OLFM2: variants seen among roughly 807,000 people sequenced by gnomAD.
OLFM2 encodes olfactomedin 2, also known as noelin-2.
OLFM2 carries 20 observed loss-of-function variants against 43.9 expected under a neutral mutation model. That is an observed-to-expected ratio of 0.46 (90% CI 0.32 to 0.66). The LOEUF (loss-of-function observed/expected upper bound fraction) is 0.66. Among genes scored for constraint, OLFM2 ranks in the 30% least tolerant of loss-of-function variants. The probability of loss-of-function intolerance (pLI) is 0.04; values close to 1 mark genes in which losing one functional copy is unlikely to be tolerated. For missense variants in OLFM2, 416 were observed against 643.6 expected (o/e 0.65, Z 3.83); for synonymous variants, 268 against 278.6 (o/e 0.96, Z 0.38).
intron 1 of OLFM2, among the ~76,000 whole-genome samples, chr19:9,910,149 C>T (rs2112819): frequency 6.6e-6 from 1 of 152,098 alleles, no homozygotes; most frequent in Admixed American, 6.6e-5. Flanking sequence ...TGTTAGTGAG[C>T]TATGATGGCA....
chr19:9,902,925 G>A (rs909933991), intron 1 of OLFM2, among the ~76,000 whole-genome samples: 2 of 151,044 alleles, frequency 1.3e-5, no homozygotes, highest in Admixed American at 6.6e-5. Context: ...TGATCCTCCT[G>A]CCTTGGCCTC....
chr19:9,936,411 G>A lies in OLFM2; in HGVS notation c.-45C>T. 8.2e-7 allele frequency: 1 copy of A among 1,218,334 alleles called. No homozygotes were observed. The highest frequency in any genetic ancestry group is 1.0e-6 in the Non-Finnish European group (1 of 978,884). 75.5% of individuals were successfully genotyped at this position (1,218,334 alleles called of 1,614,324 possible). A position where few individuals can be genotyped will look rare whatever the true frequency, so the allele number is the denominator to read the frequency against. On this transcript the variant is annotated 5_prime_UTR_variant, in exon 1 of 6. Transcript: ENST00000264833. ...GTCCCGACCCCCGCCCGCCCTAGCGGCGCCTCGGCGCGGGGACCGCCACCA... is the reference window on the plus strand; with the variant it reads ...GTCCCGACCCCCGCCCGCCCTAGCGACGCCTCGGCGCGGGGACCGCCACCA...
chr19:9,886,948 T>A (rs1297674335), intron 1 of OLFM2, among the ~76,000 whole-genome samples: 1 of 151,876 alleles, frequency 6.6e-6, no homozygotes, highest in African/African-American at 2.4e-5. Context: ...CCTCCCAGTG[T>A]TGGGATTACA....
intron 1 of OLFM2, among the ~76,000 whole-genome samples, chr19:9,930,150 CTGAACA>C (rs2086474132): frequency 6.6e-6 from 1 of 152,190 alleles, no homozygotes; most frequent in Non-Finnish European, 1.5e-5. Flanking sequence ...CTCATGGTCC[CTGAACA>C]TGCACACAGT....
intron 1 of OLFM2, among the ~76,000 whole-genome samples, chr19:9,875,256 C>A (rs1005996195): frequency 6.6e-6 from 1 of 152,118 alleles, no homozygotes; most frequent in Non-Finnish European, 1.5e-5. Context: ...TCAAGGCAGG[C>A]GAGAGAGATC....
chr19:9,893,537 T>A (rs2144965725), intron 1 of OLFM2, among the ~76,000 whole-genome samples: 1 of 152,268 alleles, frequency 6.6e-6, no homozygotes, highest in South Asian at 2.1e-4. Flanking sequence ...CCCCCCGTCT[T>A]GGAACCTGAG....
Position 9,856,736 on chromosome 19 carries a change from A to G in OLFM2, c.687+71T>C, listed in dbSNP as rs1186812969. 3 of 1,256,530 alleles carry G rather than the reference A, an allele frequency of 2.4e-6. No homozygotes were observed. Among genetic ancestry groups the G allele is most frequent in the East Asian group, 2.5e-5 (1 of 40,700 alleles). 77.8% of individuals were successfully genotyped at this position (1,256,530 alleles called of 1,614,324 possible). On this transcript the variant is annotated intron_variant, in intron 5 of 5. Coordinates refer to ENST00000264833, the MANE Select transcript of OLFM2 (RefSeq NM_058164.4). The surrounding 1 kb of genome is among the most constrained non-coding windows in gnomAD (Gnocchi z 4.0). ...AGACAGTCACCAGTGTGGACTCCCTAGGCACCTATGGGCAGTCAAAGGCTC... is the reference window on the plus strand; with the variant it reads ...AGACAGTCACCAGTGTGGACTCCCTGGGCACCTATGGGCAGTCAAAGGCTC...
At chr19:9,934,524 G>A (rs1425381995) in intron 1 of OLFM2, among the ~76,000 whole-genome samples, 1 of 149,822 alleles carries the variant, frequency 6.7e-6, no homozygotes, top group Non-Finnish European at 1.5e-5. Flanking sequence ...GGGAGTGGAG[G>A]AGAAGCCACA....
chr19:9,860,614 G>A (rs1479514181), intron 2 of OLFM2, 31 bp downstream of exon 2: 1 of 1,559,340 alleles, frequency 6.4e-7, no homozygotes. Context: ...GATTTTCCCA[G>A]CTGCCCCCAG....
chr19:9,874,697 TCTC>T (rs1448530303), intron 1 of OLFM2, among the ~76,000 whole-genome samples: 1 of 151,862 alleles, frequency 6.6e-6, no homozygotes, highest in East Asian at 1.9e-4. Flanking sequence ...GCCAGGCTGG[TCTC>T]AAATTGCTGA....
intron 5 of OLFM2, among the ~76,000 whole-genome samples, chr19:9,855,961 G>A (rs966148625): frequency 1.3e-5 from 2 of 152,194 alleles, no homozygotes; most frequent in Admixed American, 6.5e-5. Flanking sequence ...GTGGTTAGTG[G>A]TCACTGGACA....
chr19:9,894,394 TAATAATAATAATAATAATA>T (rs1157616756), intron 1 of OLFM2, among the ~76,000 whole-genome samples: 2 of 85,974 alleles, frequency 2.3e-5, no homozygotes, highest in African/African-American at 8.7e-5. Context: ...ATAATAATAA[TAATAATAATAATAATAATA>T]AATAAATAAA....
intron 1 of OLFM2, among the ~76,000 whole-genome samples, chr19:9,915,521 T>TTTATTTAC (rs2046868848): frequency 6.6e-6 from 1 of 151,094 alleles, no homozygotes; most frequent in Non-Finnish European, 1.5e-5. Flanking sequence ...TATTTATTTA[T>TTTATTTAC]TTATTTATTT....
chr19:9,921,039 T>C (rs1171287939), intron 1 of OLFM2, among the ~76,000 whole-genome samples: 1 of 152,198 alleles, frequency 6.6e-6, no homozygotes, highest in African/African-American at 2.4e-5. Flanking sequence ...GCAAAGTACA[T>C]GTAACAACTC....
At chr19:9,931,724 A>AG (rs1568390217) in intron 1 of OLFM2, among the ~76,000 whole-genome samples, 2 of 151,854 alleles carry the variant, frequency 1.3e-5, no homozygotes, top group African/African-American at 4.8e-5. Flanking sequence ...TAAAAAAAAA[A>AG]AAAGAAATAA....
chr19:9,884,131 T>C (rs1050623739), intron 1 of OLFM2, among the ~76,000 whole-genome samples: 1 of 151,838 alleles, frequency 6.6e-6, no homozygotes, highest in South Asian at 2.1e-4. Flanking sequence ...TAGCCAGGCA[T>C]GGTGGTGCGC....
intron 1 of OLFM2, among the ~76,000 whole-genome samples, chr19:9,896,163 C>T (rs1307417035): frequency 7.3e-6 from 1 of 136,466 alleles, no homozygotes; most frequent in East Asian, 2.2e-4. Flanking sequence ...TGCAGTGGCG[C>T]GATCTTGGCT....
At chr19:9,900,786 C>G (rs112457707) in intron 1 of OLFM2, among the ~76,000 whole-genome samples, 1,977 of 150,880 alleles carry the variant, frequency 0.013, 50 homozygotes, top group African/African-American at 0.046. Flanking sequence ...AACTACTCAG[C>G]AGGCTGAGTT....
Position 9,854,118 on chromosome 19 carries a change from A to G in OLFM2, c.*68T>C. 4.2e-6 allele frequency: 6 copies of G among 1,416,622 alleles called. No homozygotes were observed. Among genetic ancestry groups the G allele is most frequent in the South Asian group, 3.5e-5 (3 of 85,500 alleles). The allele number at this position is 1,416,622 out of a possible 1,614,324, so 87.8% of individuals were successfully genotyped here. Reference sequence around the variant, plus strand: ...CAGAGAGATCACCCTTGAGGGACACAGGCAGAATGAAAAGGGCCCCCAGCC... The same window carrying G: ...CAGAGAGATCACCCTTGAGGGACACGGGCAGAATGAAAAGGGCCCCCAGCC... On this transcript the variant is annotated 3_prime_UTR_variant, in exon 6 of 6. Coordinates refer to ENST00000264833, the MANE Select transcript of OLFM2 (RefSeq NM_058164.4). This position sits in a 1 kb window ranked among gnomAD's most constrained non-coding sequence, Gnocchi z 9.5.
Sources: gnomAD v4.1 joint callset for allele counts (sites outside exome capture counted in the v4.1 genomes callset) on GRCh38, gnomAD v4.1.1 for gene constraint, Gnocchi (gnomAD v3.1) non-coding constraint, MANE v1.5 for transcripts, NCBI Gene and HGNC (gene_info 2026-07-23, HGNC 2026-07-21) for gene names.